Variants in PRMT2 observed in about 807,000 individuals in gnomAD.
The protein encoded by PRMT2 is protein arginine N-methyltransferase 2.
PRMT2 carries 26 observed loss-of-function variants against 57.6 expected under a neutral mutation model. The observed-to-expected ratio is 0.45, with a 90% CI of 0.33 to 0.63. The LOEUF (loss-of-function observed/expected upper bound fraction) is 0.63. Among genes scored for constraint, PRMT2 ranks in the 20% least tolerant of loss-of-function variants. The probability of loss-of-function intolerance (pLI) is 0.02; values close to 1 mark genes in which losing one functional copy is unlikely to be tolerated. For synonymous variants in PRMT2, 219 were observed against 220.0 expected, an observed-to-expected ratio of 1.00 and a Z score of 0.04; for missense variants, 472 against 564.4, an observed-to-expected ratio of 0.84 and a Z score of 1.66.
intron 3 of PRMT2, among the ~76,000 whole-genome samples, chr21:46,641,467 C>G: frequency 6.6e-6 from 1 of 152,190 alleles, no homozygotes; most frequent in East Asian, 1.9e-4. Flanking sequence ...GTGGGCAGAT[C>G]ACTTGAAGTG....
chr21:46,643,109 G>A (rs8131531), intron 3 of PRMT2, among the ~76,000 whole-genome samples: 2 of 152,040 alleles, frequency 1.3e-5, no homozygotes, highest in African/African-American at 2.4e-5. Context: ...CTGCTGCCTC[G>A]TGGAGGTTTG....
rs964835819 is a variant in PRMT2, at chr21:46,639,627, CT to C, written c.39+2645del. Among the ~76,000 whole-genome samples, 33 of 138,152 alleles carry C rather than the reference CT, an allele frequency of 2.4e-4. No homozygotes were observed. The South Asian group carries it at 3.5e-3, about 15-fold the overall frequency. The allele number at this position is 138,152 out of a possible 152,430, so 90.6% of individuals were successfully genotyped here. ...TAAATACTTCTTTTCTTGCGTGTAC[CT>C]TTTTTTTAATGCTAATATAGCTGTA... On this transcript the variant is annotated intron_variant, in intron 3 of 11. Transcript: ENST00000355680.
At chr21:46,658,631 C>T (rs2061573628) in intron 7 of PRMT2, 114 bp from the exon 8 acceptor site, 1 of 1,516,732 alleles carries the variant, frequency 6.6e-7, no homozygotes, top group Non-Finnish European at 8.9e-7. Flanking sequence ...CAGGAATATT[C>T]TTGAGGCTAA....
intron 8 of PRMT2, chr21:46,659,503 CAT>C: frequency 7.2e-6 from 7 of 978,894 alleles, no homozygotes; most frequent in Non-Finnish European, 8.5e-6. Context: ...GCAGCCCAAT[CAT>C]GTGAACAGGC....
chr21:46,644,160 C>G (rs764026430), intron 4 of PRMT2, 146 bp from the exon 5 acceptor site: 25 of 761,846 alleles, frequency 3.3e-5, no homozygotes, highest in African/African-American at 5.3e-5. Context: ...GTGTCACTTG[C>G]AAACATTCTC....
rs1247626667 is a variant in PRMT2 at position 46,643,599 on chromosome 21, T to C, written c.104T>C (p.Phe35Ser). ...LLQEGVQPEEFVAIADYAATD... is the reference protein window; with the variant it reads ...LLQEGVQPEESVAIADYAATD... Reference sequence around the variant, plus strand: ...CAGGAGGGAGTACAGCCAGAGGAGTTTGTGGCCATCGCGGACTACGCTGCC... The same window carrying C: ...CAGGAGGGAGTACAGCCAGAGGAGTCTGTGGCCATCGCGGACTACGCTGCC... Residue 35 changes from phenylalanine (F) to serine (S), a missense_variant, in exon 4 of 12, where the codon TTT (phenylalanine) becomes TCT (serine). Physicochemically the swap from Phe to Ser is radical, Grantham distance 155. Transcript: ENST00000355680. 6.2e-7 allele frequency: 1 copy of C among 1,611,306 alleles called. No homozygotes were observed.
chr21:46,644,366 T>C lies in PRMT2; in HGVS notation c.205T>C (p.Trp69Arg). Reference sequence around the variant, plus strand: ...GAGACAAACCACTGCAGATTGGTGGTGGGGTGAGCGTGCGGGCTGCTGTGG... The same window carrying C: ...GAGACAAACCACTGCAGATTGGTGGCGGGGTGAGCGTGCGGGCTGCTGTGG... ...ILRQTTADWW[W>R]GERAGCCGYI... The change falls in exon 5 of 12, where the codon TGG becomes CGG. Residue 69 changes from tryptophan (W) to arginine (R), a missense_variant. Around this residue, in one of 2 missense-constraint regions of PRMT2, gnomAD observed 243 missense variants for 347.2 expected, o/e 0.70. Transcript: ENST00000355680. The C allele has an allele frequency of 1.9e-6, 3 of 1,612,700 alleles. No homozygotes were observed. The highest frequency in any genetic ancestry group is 2.2e-5 in the East Asian group (1 of 44,748).
intron 3 of PRMT2, among the ~76,000 whole-genome samples, chr21:46,637,830 C>T (rs1569147426): frequency 6.6e-6 from 1 of 151,738 alleles, no homozygotes; most frequent in African/African-American, 2.4e-5. Flanking sequence ...TCGGGTGTGT[C>T]TGTAGTTCAG....
rs926569554 is a variant in PRMT2, at chr21:46,661,796, C to T, written c.961-4C>T. ...ACGCGTGCCTTGTCATCTGCTTGAC[C>T]CAGACCCTGAGGGGCGAGCTGCGCT... On this transcript the variant is annotated splice_region_variant and splice_polypyrimidine_tract_variant and intron_variant, in intron 9 of 11. Coordinates refer to ENST00000355680, the MANE Select transcript of PRMT2 (RefSeq NM_206962.4). 7.1e-7 allele frequency: 1 copy of T among 1,412,718 alleles called. No individual in the cohort carries two copies. The highest frequency in any genetic ancestry group is 9.3e-7 in the Non-Finnish European group (1 of 1,072,352). 87.5% of individuals were successfully genotyped at this position (1,412,718 alleles called of 1,614,324 possible).
chr21:46,660,738 A>G, intron 8 of PRMT2, 95 bp from the exon 9 acceptor site: 10 of 1,460,458 alleles, frequency 6.8e-6, no homozygotes, highest in Non-Finnish European at 9.3e-6. Flanking sequence ...CTGGTGACAC[A>G]GAAGGGAGAG....
chr21:46,652,567 A>G (rs2061476457), intron 7 of PRMT2: 2 of 985,346 alleles, frequency 2.0e-6, no homozygotes, highest in African/African-American at 1.7e-5. Flanking sequence ...TTGGCTGAGC[A>G]ATCCTCTAAT....
At position 46,648,247 on chromosome 21, in the gene PRMT2, G is replaced by T; in HGVS notation, c.328-211G>T. ...AAATTTGTTCCTAGGTATTTTTTGT[G>T]TATTATTACTGTTATAAGGGGGTGG... On this transcript the variant is annotated intron_variant, in intron 5 of 11. Transcript: ENST00000355680. This position sits in a 1 kb window ranked among gnomAD's most constrained non-coding sequence, Gnocchi z 4.8. The T allele has an allele frequency of 2.0e-6, 1 of 510,528 alleles. No homozygotes were observed. The allele number at this position is 510,528 out of a possible 1,614,324, so 31.6% of individuals were successfully genotyped here. A position where few individuals can be genotyped will look rare whatever the true frequency, so the allele number is the denominator to read the frequency against.
At chr21:46,651,642 C>T (rs144930553) in intron 7 of PRMT2, among the ~76,000 whole-genome samples, 35 of 152,096 alleles carry the variant, frequency 2.3e-4, no homozygotes, top group African/African-American at 7.2e-4. Flanking sequence ...GGACCACCAC[C>T]ATCATTACTC....
rs1043223342 is a variant in PRMT2, at chr21:46,663,321, C to G, written c.1098-62C>G. 7.2e-6 allele frequency: 11 copies of G among 1,525,316 alleles called. No individual in the cohort carries two copies. The African/African-American group carries it at 1.4e-4, about 19-fold the overall frequency. 94.5% of individuals were successfully genotyped at this position (1,525,316 alleles called of 1,614,324 possible). The stretch of plus-strand genomic sequence containing the variant: ...CCAGTGCGAGCCTGAGTCAGCGCCC[C>G]GAGGGCCATGTGGAGACTGCCCTAG... On this transcript the variant is annotated intron_variant, in intron 10 of 11. Transcript: ENST00000355680.
At chr21:46,663,835 C>G (rs1201083240) in intron 11 of PRMT2, among the ~76,000 whole-genome samples, 2 of 152,190 alleles carry the variant, frequency 1.3e-5, no homozygotes, top group Non-Finnish European at 2.9e-5. Flanking sequence ...CCTGAGGCCC[C>G]TTGTGCCATG....
Position 46,664,454 on chromosome 21 carries a change from C to T in PRMT2, c.*127C>T. The T allele has an allele frequency of 8.1e-7, 1 of 1,228,090 alleles. No individual in the cohort carries two copies. Among genetic ancestry groups the T allele is most frequent in the Admixed American group, 1.8e-5 (1 of 56,110 alleles). The allele number at this position is 1,228,090 out of a possible 1,614,324, so 76.1% of individuals were successfully genotyped here. A position where few individuals can be genotyped will look rare whatever the true frequency, so the allele number is the denominator to read the frequency against. Reference sequence around the variant, plus strand: ...GTGAACATTCACTCCACATTGACCCCTCCCTAGCCTGGCAGGTGACGTCAG... The same window carrying T: ...GTGAACATTCACTCCACATTGACCCTTCCCTAGCCTGGCAGGTGACGTCAG... On this transcript the variant is annotated 3_prime_UTR_variant, in exon 12 of 12. Transcript: ENST00000355680.
chr21:46,652,325 T>C, intron 7 of PRMT2: 1 of 1,223,214 alleles, frequency 8.2e-7, no homozygotes, highest in Non-Finnish European at 1.0e-6. Context: ...AAAATTCCCC[T>C]TCATACATTA....
At chr21:46,641,879 T>A (rs767493247) in intron 3 of PRMT2, among the ~76,000 whole-genome samples, 18 of 151,954 alleles carry the variant, frequency 1.2e-4, no homozygotes, top group Non-Finnish European at 2.4e-4. Context: ...CAGAGGGCAG[T>A]GCTGCCTTAG....
chr21:46,648,693 C>A lies in PRMT2; in HGVS notation c.489+74C>A. 6.4e-7 allele frequency: 1 copy of A among 1,557,302 alleles called. No homozygotes were observed. Among genetic ancestry groups the A allele is most frequent in the South Asian group, 1.2e-5 (1 of 85,576 alleles). ...ACGTCCGAGGTGGCCTCTGAGTGTG[C>A]TGACTTGTGACCCTGAGCTGTTGGG... On this transcript the variant is annotated intron_variant, in intron 6 of 11. Transcript: ENST00000355680. This position sits in a 1 kb window ranked among gnomAD's most constrained non-coding sequence, Gnocchi z 4.8.
Sources: gnomAD v4.1 joint callset for allele counts (sites outside exome capture counted in the v4.1 genomes callset) on GRCh38, gnomAD v4.1.1 for gene constraint, gnomAD v4.1.1 regional missense constraint, Gnocchi (gnomAD v3.1) non-coding constraint, MANE v1.5 for transcripts, NCBI Gene and HGNC (gene_info 2026-07-23, HGNC 2026-07-21) for gene names.